Variants in SBNO1 observed in about 807,000 individuals in gnomAD.
SBNO1 encodes the protein protein strawberry notch homolog 1.
SBNO1 carries 23 observed loss-of-function variants against 173.6 expected under a neutral mutation model. The ratio of observed to expected loss-of-function variants is 0.13; its 90% CI spans 0.10 to 0.19. SBNO1 has a LOEUF of 0.19. Ranked by LOEUF, SBNO1 falls within the 10% of genes least tolerant of loss-of-function variation. The pLI is 1.00. For synonymous variants in SBNO1, 632 were observed against 571.5 expected (o/e 1.11, Z -1.51); for missense variants, 1,238 against 1,671.2 (o/e 0.74, Z 4.52).
At chr12:123,305,724 C>A (rs374566417) in intron 28 of SBNO1, among the ~76,000 whole-genome samples, 1 of 152,094 alleles carries the variant, frequency 6.6e-6, no homozygotes, top group Non-Finnish European at 1.5e-5. Context: ...CCACCCGCCC[C>A]GGCCTCCCAA....
In SBNO1 at chr12:123,304,528, G is replaced by A. The variant is rs749801830; in HGVS notation, c.3768+54C>T. ...TGAGATTACAGGTGTGAGCCACATTGCCTGGCCCAAAGTAAGTATTCCTAT... is the reference window on the plus strand; with the variant it reads ...TGAGATTACAGGTGTGAGCCACATTACCTGGCCCAAAGTAAGTATTCCTAT... On this transcript the variant is annotated intron_variant, in intron 29 of 31. Coordinates refer to ENST00000602398, the MANE Select transcript of SBNO1 (RefSeq NM_001167856.3). 6.3e-5 allele frequency: 85 copies of A among 1,351,208 alleles called. No homozygotes were observed. Among genetic ancestry groups the A allele is most frequent in the Non-Finnish European group, 8.1e-5 (78 of 963,478 alleles). The allele number at this position is 1,351,208 out of a possible 1,614,324, so 83.7% of individuals were successfully genotyped here. A position where few individuals can be genotyped will look rare whatever the true frequency, so the allele number is the denominator to read the frequency against.
rs973258658 is a variant in SBNO1, at chr12:123,317,306, T to C, written c.2850A>G (p.Ala950=). ...GCCTTTGATTTTTAGCTCTCCTATC[T>C]GCTTGTAATGAAATACCCGAGCTGG... The part of the protein sequence containing the change: ...EAASSGISLQ[A]DRRAKNQRRR... Residue 950 remains alanine, a synonymous_variant, in exon 21 of 32, where the codon GCA becomes GCG. Coordinates refer to ENST00000602398, the MANE Select transcript of SBNO1 (RefSeq NM_001167856.3). 58 of 1,613,848 alleles carry C rather than the reference T, an allele frequency of 3.6e-5. No homozygotes were observed. Among genetic ancestry groups the C allele is most frequent in the Non-Finnish European group, 4.7e-5 (55 of 1,179,866 alleles).
chr12:123,359,918 G>A (rs1030553402), intron 1 of SBNO1, among the ~76,000 whole-genome samples: 50 of 152,046 alleles, frequency 3.3e-4, no homozygotes, highest in Admixed American at 2.6e-4. Flanking sequence ...GTTATTAATT[G>A]GTATTTAATG....
Position 123,322,566 on chromosome 12 carries a change from G to C in SBNO1, c.2126-834C>G, listed in dbSNP as rs190164918. On this transcript the variant is annotated intron_variant, in intron 16 of 31. Transcript: ENST00000602398. ...GCCTGTTTCAACTCCCAAAAAGCTGGGATTACAGGCGTGAGCCACTGTGCC... is the reference window on the plus strand; with the variant it reads ...GCCTGTTTCAACTCCCAAAAAGCTGCGATTACAGGCGTGAGCCACTGTGCC... Among the ~76,000 whole-genome samples, 638 of 152,030 alleles carry C rather than the reference G, an allele frequency of 4.2e-3. 2 individuals are homozygous for C. The highest frequency in any genetic ancestry group is 5.6e-3 in the Non-Finnish European group (381 of 67,970).
At chr12:123,353,295 C>G (rs1205223446) in intron 1 of SBNO1, among the ~76,000 whole-genome samples, 4 of 152,090 alleles carry the variant, frequency 2.6e-5, no homozygotes, top group Non-Finnish European at 5.9e-5. Flanking sequence ...AACTGAGGGT[C>G]AGAAAACTTA....
At chr12:123,359,288 C>T (rs1048604992) in intron 1 of SBNO1, among the ~76,000 whole-genome samples, 1 of 150,886 alleles carries the variant, frequency 6.6e-6, no homozygotes, top group Non-Finnish European at 1.5e-5. Flanking sequence ...TGGCTCACTC[C>T]TGTAATCCCA....
intron 1 of SBNO1, among the ~76,000 whole-genome samples, chr12:123,359,942 T>C (rs1874935805): frequency 6.6e-6 from 1 of 152,160 alleles, no homozygotes. Flanking sequence ...AAGTAATTAC[T>C]CTTAAAAATT....
intron 4 of SBNO1, among the ~76,000 whole-genome samples, chr12:123,342,329 T>C (rs1872665260): frequency 1.3e-5 from 2 of 151,876 alleles, no homozygotes; most frequent in Admixed American, 1.3e-4. Flanking sequence ...CGGGCGCCTG[T>C]AGTCCCAGCT....
chr12:123,291,730 G>T lies in SBNO1; in HGVS notation c.*4178C>A, dbSNP rs556966410. 1.5e-5 allele frequency: 2 copies of T among 134,174 alleles called. No individual in the cohort carries two copies. Among genetic ancestry groups the T allele is most frequent in the South Asian group, 4.9e-4 (2 of 4,120 alleles). 8.3% of individuals were successfully genotyped at this position (134,174 alleles called of 1,614,324 possible). On this transcript the variant is annotated 3_prime_UTR_variant, in exon 32 of 32. Transcript: ENST00000602398. Reference sequence around the variant, plus strand: ...AAGATGCCCCATATGGGAAAGTCAAGAAAAGAATAAATAGAGCTGAAGGGA... The same window carrying T: ...AAGATGCCCCATATGGGAAAGTCAATAAAAGAATAAATAGAGCTGAAGGGA...
chr12:123,335,264 C>T (rs541066879), intron 6 of SBNO1, among the ~76,000 whole-genome samples: 1 of 152,266 alleles, frequency 6.6e-6, no homozygotes, highest in African/African-American at 2.4e-5. Context: ...CACGGTGAAA[C>T]CCCATCTCTA....
At chr12:123,303,947 G>C (rs6488866) in intron 29 of SBNO1, among the ~76,000 whole-genome samples, 10,877 of 70,330 alleles carry the variant, frequency 0.15, 1,394 homozygotes, top group African/African-American at 0.35. Context: ...TTTTTTTTGA[G>C]ACGGAGTCTT....
intron 20 of SBNO1, among the ~76,000 whole-genome samples, chr12:123,318,444 AGTCTCTGG>A (rs1327373597): frequency 1.3e-5 from 2 of 151,880 alleles, no homozygotes; most frequent in African/African-American, 4.8e-5. Flanking sequence ...CTACAGAAAG[AGTCTCTGG>A]GCCAGCACAG....
chr12:123,353,961 G>A (rs183172093), intron 1 of SBNO1, among the ~76,000 whole-genome samples: 51 of 152,276 alleles, frequency 3.3e-4, no homozygotes, highest in African/African-American at 1.2e-3. Context: ...CAGTCCATGA[G>A]CTATACACCA....
At chr12:123,355,013 G>A (rs1419697070) in intron 1 of SBNO1, among the ~76,000 whole-genome samples, 2 of 152,082 alleles carry the variant, frequency 1.3e-5, no homozygotes, top group Admixed American at 6.6e-5. Flanking sequence ...AACAAAGGGA[G>A]ACCCTGTTTC....
chr12:123,341,583 G>A (rs902814670), intron 4 of SBNO1, among the ~76,000 whole-genome samples: 9 of 152,030 alleles, frequency 5.9e-5, no homozygotes, highest in Non-Finnish European at 8.8e-5. Context: ...GTGCGTTGGC[G>A]CAATCTCAGC....
rs370332420 is a variant in SBNO1, at chr12:123,350,319, T to C, written c.123A>G (p.Ser41=). Residue 41 remains serine, a synonymous_variant, in exon 2 of 32, where the codon TCA becomes TCG. Coordinates refer to ENST00000602398, the MANE Select transcript of SBNO1 (RefSeq NM_001167856.3). ...TTTGGAAAACTCTTACCTGCTGAAC[T>C]GACGGGGTAGGCATTGGAGTTGCAA... is the stretch of plus-strand genomic sequence containing the variant. ...AGLATPMPTP[S]VQQSVPLSAL... 6 of 1,614,008 alleles carry C rather than the reference T, an allele frequency of 3.7e-6. No individual in the cohort carries two copies. Among genetic ancestry groups the C allele is most frequent in the African/African-American group, 1.3e-5 (1 of 74,918 alleles).
intron 28 of SBNO1, among the ~76,000 whole-genome samples, chr12:123,308,176 T>C (rs2048967541): frequency 6.6e-6 from 1 of 152,242 alleles, no homozygotes; most frequent in Admixed American, 6.5e-5. Flanking sequence ...AAACTCAAGA[T>C]ACTGCTGAAT....
Position 123,295,773 on chromosome 12 carries a change from T to C in SBNO1, c.*135A>G. 1 of 1,179,418 alleles carries C rather than the reference T, an allele frequency of 8.5e-7. No individual in the cohort carries two copies. Among genetic ancestry groups the C allele is most frequent in the South Asian group, 1.6e-5 (1 of 64,192 alleles). The allele number at this position is 1,179,418 out of a possible 1,614,324, so 73.1% of individuals were successfully genotyped here. ...TTTGCTATCTATTCCAGGTTTGTCC[T>C]TACTCCCAAAAAAACTAACTAGAGA... is the stretch of plus-strand genomic sequence containing the variant. On this transcript the variant is annotated 3_prime_UTR_variant, in exon 32 of 32. Transcript: ENST00000602398.
Position 123,350,409 on chromosome 12 carries a change from A to G in SBNO1, c.33T>C (p.Ala11=). The G allele has an allele frequency of 6.2e-7, 1 of 1,614,180 alleles. No individual in the cohort carries two copies. Among genetic ancestry groups the G allele is most frequent in the Non-Finnish European group, 8.5e-7 (1 of 1,180,002 alleles). Residue 11 remains alanine (A), a synonymous_variant, in exon 2 of 32, where the codon GCT becomes GCC. Transcript: ENST00000602398. ...GACTAATTCCACTCTCACTCAAAGCAGCAAGCAGTAAATCTTGCCCTGGCT... is the reference window on the plus strand; with the variant it reads ...GACTAATTCCACTCTCACTCAAAGCGGCAAGCAGTAAATCTTGCCCTGGCT... MVEPGQDLLL[A]ALSESGISPN... is the part of the protein sequence containing the mutation.
Sources: allele counts gnomAD v4.1 joint callset (sites outside exome capture counted in the v4.1 genomes callset), GRCh38; gene constraint gnomAD v4.1.1; transcripts MANE v1.5; gene names NCBI Gene and HGNC (gene_info 2026-07-23, HGNC 2026-07-21).